CSMD3: variants seen among roughly 807,000 people sequenced by gnomAD.
CSMD3 encodes the protein CUB and sushi domain-containing protein 3.
Under a neutral mutation model 435.2 loss-of-function variants are expected in CSMD3, and 177 were observed. The ratio of observed to expected loss-of-function variants is 0.41; its 90% confidence interval spans 0.36 to 0.46. CSMD3 has a LOEUF of 0.46. Among genes scored for constraint, CSMD3 ranks in the 20% least tolerant of loss-of-function variants. The pLI, the probability that CSMD3 is intolerant of heterozygous loss-of-function variation, is 0.34. For synonymous variants in CSMD3, 1,656 were observed against 1,520.5 expected, an observed-to-expected ratio of 1.09 and a Z score of -2.07; for missense variants, 4,265 against 4,504.6, an observed-to-expected ratio of 0.95 and a Z score of 1.52.
intron 2 of CSMD3, among the ~76,000 whole-genome samples, chr8:113,301,401 T>C (rs982044484): frequency 6.6e-6 from 1 of 152,250 alleles, no homozygotes; most frequent in East Asian, 1.9e-4. Context: ...AAATATATTA[T>C]GGCAATGAAC....
intron 32 of CSMD3, among the ~76,000 whole-genome samples, chr8:112,465,130 G>T (rs953814395): frequency 6.6e-6 from 1 of 152,060 alleles, no homozygotes; most frequent in African/African-American, 2.4e-5. Context: ...TTTAGAGAAG[G>T]GGTGATTATC....
chr8:113,163,668 A>G (rs1385107950), intron 4 of CSMD3, among the ~76,000 whole-genome samples: 1 of 152,076 alleles, frequency 6.6e-6, no homozygotes, highest in Non-Finnish European at 1.5e-5. Context: ...CAAATTCCAA[A>G]TGTATGAATT....
chr8:112,547,690 G>T (rs1827305959), intron 27 of CSMD3, among the ~76,000 whole-genome samples: 1 of 152,142 alleles, frequency 6.6e-6, no homozygotes, highest in Admixed American at 6.6e-5. Flanking sequence ...ACTGAAAAGG[G>T]ATCTTGGCAC....
chr8:112,275,233 A>T (rs529364727), intron 59 of CSMD3, among the ~76,000 whole-genome samples: 1 of 152,266 alleles, frequency 6.6e-6, no homozygotes, highest in African/African-American at 2.4e-5. Flanking sequence ...GACGTACCTG[A>T]GACTGGATAA....
At chr8:112,883,186 G>T (rs980325891) in intron 10 of CSMD3, among the ~76,000 whole-genome samples, 1 of 151,900 alleles carries the variant, frequency 6.6e-6, no homozygotes, top group African/African-American at 2.4e-5. Context: ...TTTTCAAAGA[G>T]AAACTGAGAA....
At chr8:112,418,948 C>T (rs1274533103) in intron 32 of CSMD3, among the ~76,000 whole-genome samples, 1 of 152,048 alleles carries the variant, frequency 6.6e-6, no homozygotes, top group Non-Finnish European at 1.5e-5. Context: ...GTATATGAAA[C>T]ATAAATAAAT....
At chr8:113,148,701 C>T (rs895766597) in intron 4 of CSMD3, among the ~76,000 whole-genome samples, 1 of 151,510 alleles carries the variant, frequency 6.6e-6, no homozygotes, top group African/African-American at 2.4e-5. Context: ...TATTTAAACA[C>T]CTGTAAAACA....
intron 3 of CSMD3, among the ~76,000 whole-genome samples, chr8:113,198,344 T>C (rs1357967149): frequency 2.6e-5 from 4 of 151,306 alleles, no homozygotes; most frequent in African/African-American, 7.3e-5. Context: ...ATACATACTA[T>C]ATATGTGATG....
intron 4 of CSMD3, among the ~76,000 whole-genome samples, chr8:113,116,137 CA>C (rs1204119997): frequency 1.3e-5 from 2 of 149,716 alleles, no homozygotes; most frequent in East Asian, 3.9e-4. Context: ...ACTAAAAAAA[CA>C]TAATTTATTT....
At chr8:113,160,078 GT>G (rs2092009628) in intron 4 of CSMD3, among the ~76,000 whole-genome samples, 2 of 151,874 alleles carry the variant, frequency 1.3e-5, no homozygotes, top group Non-Finnish European at 2.9e-5. Flanking sequence ...ATAACAATAA[GT>G]GAGAAATATA....
chr8:112,990,541 A>C (rs1359338886), intron 6 of CSMD3, among the ~76,000 whole-genome samples: 2 of 151,980 alleles, frequency 1.3e-5, no homozygotes, highest in African/African-American at 4.8e-5. Context: ...TGTTATGTTT[A>C]AACTAAAACC....
chr8:113,182,529 A>C (rs943289823), intron 3 of CSMD3, among the ~76,000 whole-genome samples: 4 of 151,498 alleles, frequency 2.6e-5, no homozygotes, highest in Non-Finnish European at 5.9e-5. Context: ...CAAAAAAAAA[A>C]ACAAAACAAC....
chr8:112,536,253 A>T (rs963855509), intron 27 of CSMD3, among the ~76,000 whole-genome samples: 2 of 151,636 alleles, frequency 1.3e-5, no homozygotes, highest in African/African-American at 2.4e-5. Context: ...AAATGGGAGA[A>T]AATTTTCGCA....
chr8:112,398,709 G>C (rs529348276), intron 35 of CSMD3, among the ~76,000 whole-genome samples: 1 of 152,248 alleles, frequency 6.6e-6, no homozygotes, highest in East Asian at 1.9e-4. Context: ...TGACTCCAAG[G>C]CCCTTGCACT....
At chr8:113,239,727 C>T (rs746342555) in intron 3 of CSMD3, among the ~76,000 whole-genome samples, 14 of 151,520 alleles carry the variant, frequency 9.2e-5, no homozygotes, top group South Asian at 2.1e-4. Context: ...AGGGACTGTT[C>T]GTAGAAATAT....
chr8:112,599,314 A>G lies in CSMD3; in HGVS notation c.3716-12079T>C, dbSNP rs1415759957. Among the ~76,000 whole-genome samples, 7 of 150,970 alleles carry G rather than the reference A, an allele frequency of 4.6e-5. 1 individual carries two copies. Among genetic ancestry groups the G allele is most frequent in the Admixed American group, 3.3e-4 (5 of 15,156 alleles). Reference sequence around the variant, plus strand: ...CAGAGAAATGCAAATCAAAACCACAATGAGATACCATCTCACACCAGTTAG... The same window carrying G: ...CAGAGAAATGCAAATCAAAACCACAGTGAGATACCATCTCACACCAGTTAG... On this transcript the variant is annotated intron_variant, in intron 22 of 70. Transcript: ENST00000297405.
chr8:113,176,822 T>C (rs754035518), intron 3 of CSMD3, among the ~76,000 whole-genome samples: 1 of 151,704 alleles, frequency 6.6e-6, no homozygotes, highest in Non-Finnish European at 1.5e-5. Context: ...GATGGGTTGT[T>C]ATGTGCAGCA....
chr8:112,999,655 A>G (rs1426813252), intron 6 of CSMD3, among the ~76,000 whole-genome samples: 1 of 151,600 alleles, frequency 6.6e-6, no homozygotes, highest in African/African-American at 2.4e-5. Flanking sequence ...GGAAAGGTCA[A>G]AATGATCCAA....
intron 22 of CSMD3, among the ~76,000 whole-genome samples, chr8:112,589,534 T>C (rs1831001475): frequency 6.6e-6 from 1 of 152,192 alleles, no homozygotes; most frequent in Non-Finnish European, 1.5e-5. Flanking sequence ...TAGTCATGGT[T>C]CCATGCTTAT....
Sources: allele counts gnomAD v4.1 joint callset (sites outside exome capture counted in the v4.1 genomes callset), GRCh38; gene constraint gnomAD v4.1.1; transcripts MANE v1.5; gene names NCBI Gene and HGNC (gene_info 2026-07-23, HGNC 2026-07-21).